Variants in SLC38A12 observed in about 807,000 individuals in gnomAD.
The protein encoded by SLC38A12 is putative sodium-coupled neutral amino acid transporter 12.
the SLC38A12 span, chr17:74,837,873 C>T: frequency 2.0e-6 from 2 of 985,952 alleles, no homozygotes; most frequent in Non-Finnish European, 2.4e-6. Flanking sequence ...CACTGGCTTG[C>T]CCCCAGCCCT....
chr17:74,832,681 G>C, the SLC38A12 span, among the ~76,000 whole-genome samples: 1 of 152,364 alleles, frequency 6.6e-6, no homozygotes, highest in African/African-American at 2.4e-5. Flanking sequence ...CACACAGCTG[G>C]GTGAGCTTTT....
At chr17:74,790,123 T>G in the SLC38A12 span, 5 of 1,198,752 alleles carry the variant, frequency 4.2e-6, no homozygotes, top group Non-Finnish European at 6.1e-6. Context: ...CTGGCTAACA[T>G]TCTGTACTTT....
the SLC38A12 span, among the ~76,000 whole-genome samples, chr17:74,799,407 C>CT: frequency 1.3e-5 from 2 of 152,246 alleles, no homozygotes; most frequent in Non-Finnish European, 2.9e-5. Flanking sequence ...TGGGACAGGA[C>CT]AAGGTCGCCC....
the SLC38A12 span, among the ~76,000 whole-genome samples, chr17:74,782,187 C>T: frequency 6.6e-6 from 1 of 152,206 alleles, no homozygotes; most frequent in Non-Finnish European, 1.5e-5. Context: ...CATGCCTCAG[C>T]CTCCCGAGTA....
chr17:74,824,707 C>T, the SLC38A12 span, among the ~76,000 whole-genome samples: 14 of 152,304 alleles, frequency 9.2e-5, no homozygotes, highest in Admixed American at 2.0e-4. Context: ...GCGGAGCAGA[C>T]GCTGCACACG....
chr17:74,836,269 GC>G, the SLC38A12 span: 1 of 1,611,664 alleles, frequency 6.2e-7, no homozygotes, highest in Non-Finnish European at 8.5e-7. This position sits in a 1 kb window ranked among gnomAD's most constrained non-coding sequence, Gnocchi z 4.2. Flanking sequence ...TTTTTCCTGG[GC>G]CTCTTCCCCG....
the SLC38A12 span, among the ~76,000 whole-genome samples, chr17:74,802,285 C>T: frequency 6.6e-6 from 1 of 152,320 alleles, no homozygotes; most frequent in South Asian, 2.1e-4. Context: ...CCACCTTGGC[C>T]AATACCTATG....
At chr17:74,832,218 C>T in the SLC38A12 span, among the ~76,000 whole-genome samples, 1 of 152,234 alleles carries the variant, frequency 6.6e-6, no homozygotes, top group African/African-American at 2.4e-5. Flanking sequence ...CCTTCCTTTT[C>T]TCCCTTCCCT....
the SLC38A12 span, among the ~76,000 whole-genome samples, chr17:74,804,185 A>G: frequency 2.4e-4 from 36 of 152,366 alleles, no homozygotes; most frequent in Non-Finnish European, 2.9e-4. Flanking sequence ...CAGGGTGTGT[A>G]TCATAAGCAG....
the SLC38A12 span, chr17:74,790,407 C>G: frequency 3.1e-5 from 30 of 982,350 alleles, no homozygotes; most frequent in Non-Finnish European, 4.5e-5. Context: ...ATTTCCTGCC[C>G]CTGGGTTCTG....
chr17:74,796,188 C>G, the SLC38A12 span, among the ~76,000 whole-genome samples: 4 of 152,184 alleles, frequency 2.6e-5, no homozygotes, highest in Admixed American at 1.3e-4. Context: ...GGGCAGGGAG[C>G]TGAATAATAT....
At chr17:74,839,045 A>C in the SLC38A12 span, 2 of 1,535,600 alleles carry the variant, frequency 1.3e-6, no homozygotes. Flanking sequence ...AGGCCAGGTC[A>C]AGGTGGGAGT....
the SLC38A12 span, among the ~76,000 whole-genome samples, chr17:74,795,976 G>A: frequency 1.1e-3 from 174 of 152,160 alleles, 2 homozygotes; most frequent in Middle Eastern, 0.021. Flanking sequence ...CATTTTTTCC[G>A]AAACTTTCCA....
chr17:74,805,075 A>G, the SLC38A12 span, among the ~76,000 whole-genome samples: 1 of 152,270 alleles, frequency 6.6e-6, no homozygotes, highest in Non-Finnish European at 1.5e-5. The surrounding 1 kb of genome is among the most constrained non-coding windows in gnomAD (Gnocchi z 5.0). Flanking sequence ...CGCATTTTCA[A>G]CCAGTTCTGA....
chr17:74,836,235 G>T, the SLC38A12 span: 1 of 1,611,592 alleles, frequency 6.2e-7, no homozygotes, highest in Non-Finnish European at 8.5e-7. This position sits in a 1 kb window ranked among gnomAD's most constrained non-coding sequence, Gnocchi z 4.2. Flanking sequence ...GCGCTGTGAC[G>T]TCGTGGGCCT....
the SLC38A12 span, among the ~76,000 whole-genome samples, chr17:74,808,997 A>G: frequency 6.6e-6 from 1 of 152,096 alleles, no homozygotes; most frequent in Non-Finnish European, 1.5e-5. Flanking sequence ...TATGAGCCGC[A>G]CTCTGCCTGA....
At chr17:74,776,879 C>G in the SLC38A12 span, among the ~76,000 whole-genome samples, 4 of 152,184 alleles carry the variant, frequency 2.6e-5, no homozygotes, top group African/African-American at 9.7e-5. Context: ...CAGACAGTTC[C>G]TTGGGCTCCC....
At chr17:74,783,633 G>A in the SLC38A12 span, among the ~76,000 whole-genome samples, 1 of 151,408 alleles carries the variant, frequency 6.6e-6, no homozygotes, top group Non-Finnish European at 1.5e-5. Flanking sequence ...TGGGAAGCCT[G>A]TCTTCTCTAA....
chr17:74,781,063 C>T, the SLC38A12 span, among the ~76,000 whole-genome samples: 1 of 152,108 alleles, frequency 6.6e-6, no homozygotes, highest in Non-Finnish European at 1.5e-5. Flanking sequence ...AGGTTGTTAC[C>T]GGCACCTAGT....
Sources: gnomAD v4.1 joint callset for allele counts (sites outside exome capture counted in the v4.1 genomes callset) on GRCh38, gnomAD v4.1.1 for gene constraint, Gnocchi (gnomAD v3.1) non-coding constraint, MANE v1.5 for transcripts, NCBI Gene and HGNC (gene_info 2026-07-23, HGNC 2026-07-21) for gene names.